DOCK7: variants seen among roughly 807,000 people sequenced by gnomAD.
The protein encoded by DOCK7 is dedicator of cytokinesis protein 7.
Under a neutral mutation model 271.0 loss-of-function variants are expected in DOCK7, and 138 were observed. That is an observed-to-expected ratio of 0.51 (90% CI 0.44 to 0.59). The LOEUF (loss-of-function observed/expected upper bound fraction) is 0.59, where lower values mean the gene tolerates loss of function less well. Ranked by LOEUF, DOCK7 falls within the 20% of genes least tolerant of loss-of-function variation. The pLI is 0.00. For missense variants in DOCK7, 2,066 were observed against 2,592.4 expected (o/e 0.80, Z 4.41); for synonymous variants, 823 against 876.1 (o/e 0.94, Z 1.07).
chr1:62,513,764 G>C lies in DOCK7; in HGVS notation c.4071C>G (p.Asn1357Lys). ...AGAGATAAAGCAGATCTAATAGCCG[G>C]TTTAGCTGCAAGACTGAGAGATCTG... Reference protein sequence around the residue: ...WFTDLSVLQLNRLLDLLYLCV... With the variant: ...WFTDLSVLQLKRLLDLLYLCV... The change falls in exon 32 of 50, where the codon AAC becomes AAG. Residue 1357 changes from asparagine to lysine, a missense_variant. Asn to Lys is a moderately conservative substitution (Grantham distance 94, BLOSUM62 0). Transcript: ENST00000635253. 1 of 1,614,120 alleles carries C rather than the reference G, an allele frequency of 6.2e-7. No individual in the cohort carries two copies.
intron 43 of DOCK7, chr1:62,482,395 A>G (rs1225442561): frequency 6.7e-6 from 1 of 150,196 alleles, no homozygotes; most frequent in East Asian, 2.0e-4. Flanking sequence ...CCCAGGCTAG[A>G]GTGCAACGGC....
chr1:62,514,451 A>G (rs1644598324), intron 31 of DOCK7, among the ~76,000 whole-genome samples: 1 of 152,142 alleles, frequency 6.6e-6, no homozygotes, highest in South Asian at 2.1e-4. Context: ...ATTTTCAATC[A>G]TCAATCTATA....
intron 16 of DOCK7, among the ~76,000 whole-genome samples, chr1:62,579,695 G>GAAAAAAAAAAAAAAAAA (rs34924913): frequency 1.6e-5 from 1 of 63,888 alleles, no homozygotes. Context: ...GAGTGAGACC[G>GAAAAAAAAAAAAAAAAA]AAAAAAAAAA....
At chr1:62,652,451 C>T (rs537485683) in intron 4 of DOCK7, among the ~76,000 whole-genome samples, 26 of 152,056 alleles carry the variant, frequency 1.7e-4, no homozygotes, top group Non-Finnish European at 3.5e-4. Flanking sequence ...ATCCTGACTA[C>T]TCTATTTTTT....
intron 2 of DOCK7, 25 bp downstream of exon 2, chr1:62,663,000 A>C (rs1481891622): frequency 6.4e-7 from 1 of 1,558,326 alleles, no homozygotes; most frequent in Admixed American, 1.7e-5. Flanking sequence ...CCAAGAAGAG[A>C]CTATATTTTG....
intron 4 of DOCK7, 29 bp downstream of exon 4, chr1:62,653,696 G>A (rs1324536716): frequency 7.4e-7 from 1 of 1,349,586 alleles, no homozygotes; most frequent in Non-Finnish European, 1.1e-6. Flanking sequence ...CTCAATATTT[G>A]TAAATGTTGT....
chr1:62,621,340 T>C (rs150289462), intron 12 of DOCK7, among the ~76,000 whole-genome samples: 1 of 152,344 alleles, frequency 6.6e-6, no homozygotes, highest in African/African-American at 2.4e-5. Context: ...AAATGTTCAA[T>C]TTAATGTTAA....
chr1:62,495,837 T>G, intron 38 of DOCK7, 156 bp from the exon 39 acceptor site: 1 of 549,654 alleles, frequency 1.8e-6, no homozygotes, highest in South Asian at 3.1e-5. Context: ...TGTGGGGATA[T>G]GGTAAGTGAA....
intron 21 of DOCK7, among the ~76,000 whole-genome samples, chr1:62,553,943 T>C (rs2149427983): frequency 6.6e-6 from 1 of 151,860 alleles, no homozygotes. Context: ...CTCTTCCTTT[T>C]TTCCCACCTC....
chr1:62,577,843 C>A (rs758543112), intron 17 of DOCK7, among the ~76,000 whole-genome samples: 1 of 152,132 alleles, frequency 6.6e-6, no homozygotes, highest in Non-Finnish European at 1.5e-5. Context: ...TGGCTGAAAG[C>A]ATAATTTTTC....
In DOCK7 at chr1:62,654,124, C is replaced by A. The variant is rs773977723; in HGVS notation, c.180G>T (p.Leu60Phe). The change falls in exon 3 of 50, where the codon TTG becomes TTT. Residue 60 changes from leucine (L) to phenylalanine (F), a missense_variant. Coordinates refer to ENST00000635253, the MANE Select transcript of DOCK7 (RefSeq NM_001367561.1). Reference sequence around the variant, plus strand: ...AAGGATGAGTAATGAGGTAATCTTCCAAATCCACTGGATCTACTGCTTCGG... The same window carrying A: ...AAGGATGAGTAATGAGGTAATCTTCAAAATCCACTGGATCTACTGCTTCGG... The part of the protein sequence containing the change: ...PLTEAVDPVD[L>F]EDYLITHPLA... 1.9e-6 allele frequency: 3 copies of A among 1,613,848 alleles called. No individual in the cohort carries two copies. Among genetic ancestry groups the A allele is most frequent in the Non-Finnish European group, 2.5e-6 (3 of 1,179,854 alleles).
intron 7 of DOCK7, among the ~76,000 whole-genome samples, chr1:62,646,033 G>A (rs1656602349): frequency 6.6e-6 from 1 of 151,970 alleles, no homozygotes; most frequent in Non-Finnish European, 1.5e-5. Flanking sequence ...TGTAATCCCA[G>A]CTACTCAGGG....
Position 62,631,405 on chromosome 1 carries a change from T to C in DOCK7, c.1117A>G (p.Asn373Asp). ...TTCAGTTTCTCCAGTTTTTCTTTAT[T>C]CTGCAAAACAGAACTTTATACATTA... ...MIFKEADATK[N>D]KEKLEKLKSQ... Residue 373 changes from asparagine (N) to aspartate (D), a missense_variant and splice_region_variant, in exon 11 of 50, where the codon AAT becomes GAT. By Grantham distance (23) the Asn-to-Asp change is conservative. Transcript: ENST00000635253. 6.3e-7 allele frequency: 1 copy of C among 1,595,252 alleles called. No individual in the cohort carries two copies. Among genetic ancestry groups the C allele is most frequent in the Non-Finnish European group, 8.5e-7 (1 of 1,173,976 alleles).
intron 18 of DOCK7, among the ~76,000 whole-genome samples, chr1:62,573,378 T>C (rs568330656): frequency 2.6e-5 from 4 of 152,338 alleles, no homozygotes; most frequent in East Asian, 3.9e-4. Flanking sequence ...ACTTGGATTA[T>C]GTCTATGTGC....
chr1:62,614,501 C>T (rs1652202933), intron 14 of DOCK7, among the ~76,000 whole-genome samples: 1 of 151,892 alleles, frequency 6.6e-6, no homozygotes, highest in Non-Finnish European at 1.5e-5. Context: ...CTCTGATAAT[C>T]TCCCTTTTAA....
chr1:62,498,056 G>A (rs1646672538), intron 37 of DOCK7, among the ~76,000 whole-genome samples: 2 of 149,906 alleles, frequency 1.3e-5, no homozygotes, highest in South Asian at 2.1e-4. Flanking sequence ...GAGGCCCAAA[G>A]TTTGAGACCG....
chr1:62,571,518 G>A (rs1176266671), intron 18 of DOCK7, among the ~76,000 whole-genome samples: 1 of 152,088 alleles, frequency 6.6e-6, no homozygotes, highest in Non-Finnish European at 1.5e-5. Context: ...CCTAGAACCA[G>A]AAATACCATT....
At position 62,552,821 on chromosome 1, in the gene DOCK7, G is replaced by C; in HGVS notation, c.2677C>G (p.Arg893Gly). ...AVRPASLNLN[R>G]SRSLSNSNPD... The stretch of plus-strand genomic sequence containing the variant: ...TTGCTATTACTAAGGCTTCGAGAAC[G>C]ATTTAAATTAAGGCTTGCAGGTCTC... The change falls in exon 22 of 50, where the codon CGT (arginine) becomes GGT (glycine). Residue 893 changes from arginine to glycine, a missense_variant. Transcript: ENST00000635253. 1 of 1,613,776 alleles carries C rather than the reference G, an allele frequency of 6.2e-7. No homozygotes were observed. Among genetic ancestry groups the C allele is most frequent in the Non-Finnish European group, 8.5e-7 (1 of 1,179,912 alleles).
In DOCK7 at chr1:62,605,050, G is replaced by A. The variant is rs963726228; in HGVS notation, c.1682+13656C>T. ...TATTTGTTTTAAATTTTGTGATGTGGGAATCAATTTTAGATGGTCACAATC... is the reference window on the plus strand; with the variant it reads ...TATTTGTTTTAAATTTTGTGATGTGAGAATCAATTTTAGATGGTCACAATC... On this transcript the variant is annotated intron_variant, in intron 14 of 49. Coordinates refer to ENST00000635253, the MANE Select transcript of DOCK7 (RefSeq NM_001367561.1). 9 of 438,928 alleles carry A rather than the reference G, an allele frequency of 2.1e-5. No homozygotes were observed. In the East Asian group the frequency reaches 2.1e-4, roughly 10 times the overall value. 27.2% of individuals were successfully genotyped at this position (438,928 alleles called of 1,614,324 possible). A position where few individuals can be genotyped will look rare whatever the true frequency, so the allele number is the denominator to read the frequency against.
Sources: allele counts gnomAD v4.1 joint callset (sites outside exome capture counted in the v4.1 genomes callset), GRCh38; gene constraint gnomAD v4.1.1; transcripts MANE v1.5; gene names NCBI Gene and HGNC (gene_info 2026-07-23, HGNC 2026-07-21).